The following GPR135 variants were observed in gnomAD, a reference collection of about 807,000 sequenced individuals.
GPR135 encodes G protein-coupled receptor 135.
Under a neutral mutation model 15.0 loss-of-function variants are expected in GPR135, and 17 were observed. The observed-to-expected ratio is 1.13, with a 90% CI of 0.78 to 1.70. The LOEUF (loss-of-function observed/expected upper bound fraction) is 1.70, where lower values mean the gene tolerates loss of function less well. GPR135 is among the 40% of genes most tolerant of loss of function. The pLI is 0.00. For synonymous variants in GPR135, 368 were observed against 349.4 expected (o/e 1.05, Z -0.59); for missense variants, 776 against 727.0 (o/e 1.07, Z -0.78).
chr14:59,464,644 C>T lies in GPR135; in HGVS notation c.583G>A (p.Gly195Ser), dbSNP rs779930164. The T allele has an allele frequency of 6.3e-7, 1 of 1,597,186 alleles. No individual in the cohort carries two copies. Among genetic ancestry groups the T allele is most frequent in the South Asian group, 1.1e-5 (1 of 90,542 alleles). The change falls in exon 1 of 1, where the codon GGC (glycine) becomes AGC (serine). Residue 195 changes from glycine (G) to serine (S), a missense_variant. Coordinates refer to ENST00000395116, the MANE Select transcript of GPR135 (RefSeq NM_022571.6). Reference sequence around the variant, plus strand: ...GCCACGCTGAGCGTGGACACGATGCCGAAGCACGAGCTGAAGAAGCGGCTG... The same window carrying T: ...GCCACGCTGAGCGTGGACACGATGCTGAAGCACGAGCTGAAGAAGCGGCTG... The part of the protein sequence containing the change: ...AASRFFSSCF[G>S]IVSTLSVALI...
chr14:59,463,671 C>G lies in GPR135; in HGVS notation c.*71G>C. Reference sequence around the variant, plus strand: ...TTGGCTTTATGAAATCCACAACTCTCCCCCAGAATCTTCCATCATTAAATA... The same window carrying G: ...TTGGCTTTATGAAATCCACAACTCTGCCCCAGAATCTTCCATCATTAAATA... On this transcript the variant is annotated 3_prime_UTR_variant, in exon 1 of 1. Coordinates refer to ENST00000395116, the MANE Select transcript of GPR135 (RefSeq NM_022571.6). 1 of 1,395,612 alleles carries G rather than the reference C, an allele frequency of 7.2e-7. No homozygotes were observed. Among genetic ancestry groups the G allele is most frequent in the Non-Finnish European group, 9.7e-7 (1 of 1,032,772 alleles). 86.5% of individuals were successfully genotyped at this position (1,395,612 alleles called of 1,614,324 possible).
intron 6 of GPR135, among the ~76,000 whole-genome samples, chr14:59,453,282 C>T (rs991450508): frequency 6.6e-6 from 1 of 152,064 alleles, no homozygotes; most frequent in Non-Finnish European, 1.5e-5. Context: ...ACAAATGTAC[C>T]TCTCTGGTGG....
downstream of GPR135, among the ~76,000 whole-genome samples, chr14:59,456,141 G>A (rs951172271): frequency 1.3e-5 from 2 of 152,078 alleles, no homozygotes; most frequent in African/African-American, 4.8e-5. Context: ...CAGGATGGAG[G>A]CCTGGAAAGC....
At position 59,463,704 on chromosome 14, in the gene GPR135, TG is replaced by T. The variant is rs1310817080; in HGVS notation, c.*37del. 4.0e-6 allele frequency: 6 copies of T among 1,512,658 alleles called. No individual in the cohort carries two copies. The East Asian group carries it at 9.1e-5, about 23-fold the overall frequency. The allele number at this position is 1,512,658 out of a possible 1,614,324, so 93.7% of individuals were successfully genotyped here. A position where few individuals can be genotyped will look rare whatever the true frequency, so the allele number is the denominator to read the frequency against. On this transcript the variant is annotated 3_prime_UTR_variant, in exon 1 of 1. Coordinates refer to ENST00000395116, the MANE Select transcript of GPR135 (RefSeq NM_022571.6). ...ATCTTCCATCATTAAATAATGCGAG[TG>T]GAAATTTGCCTTCATAAGCTGGCCA...
chr14:59,457,971 T>G (rs1169941959), downstream of GPR135, among the ~76,000 whole-genome samples: 2 of 152,190 alleles, frequency 1.3e-5, no homozygotes, highest in African/African-American at 4.8e-5. Flanking sequence ...AGAAAAACCC[T>G]CATGGAACAA....
At chr14:59,456,100 C>A (rs1372850422), downstream of GPR135, among the ~76,000 whole-genome samples, 1 of 152,080 alleles carries the variant, frequency 6.6e-6, no homozygotes, top group Non-Finnish European at 1.5e-5. Flanking sequence ...AGTCATCTTG[C>A]AAACATATGT....
chr14:59,464,779 G>T lies in GPR135; in HGVS notation c.448C>A (p.Leu150Met), dbSNP rs1889059421. 6.4e-7 allele frequency: 1 copy of T among 1,573,322 alleles called. No individual in the cohort carries two copies. Among genetic ancestry groups the T allele is most frequent in the Non-Finnish European group, 8.6e-7 (1 of 1,159,092 alleles). Reference protein sequence around the residue: ...AFILSLSLSDLLTALLCLPAA... With the variant: ...AFILSLSLSDMLTALLCLPAA... ...GGCAGGCAGAGCAGCGCCGTGAGCA[G>T]ATCCGATAGGGACAGCGACAGGATG... The change falls in exon 1 of 1, where the codon CTG becomes ATG. Residue 150 changes from leucine to methionine, a missense_variant. Coordinates refer to ENST00000395116, the MANE Select transcript of GPR135 (RefSeq NM_022571.6).
chr14:59,454,653 G>A (rs1381100269), intron 6 of GPR135, among the ~76,000 whole-genome samples: 1 of 152,154 alleles, frequency 6.6e-6, no homozygotes, highest in African/African-American at 2.4e-5. Flanking sequence ...AAAACAGAGA[G>A]GTCTTTGGTT....
rs569870515 is a variant in GPR135, at chr14:59,461,479, G to A, written c.*2263C>T. 1 of 152,136 alleles carries A rather than the reference G, an allele frequency of 6.6e-6. No homozygotes were observed. The highest frequency in any genetic ancestry group is 6.5e-5 in the Admixed American group (1 of 15,272). The allele number at this position is 152,136 out of a possible 1,614,324, so 9.4% of individuals were successfully genotyped here. On this transcript the variant is annotated 3_prime_UTR_variant, in exon 1 of 1. Coordinates refer to ENST00000395116, the MANE Select transcript of GPR135 (RefSeq NM_022571.6). ...ACCATGACTCTCGGAGCCACTAACA[G>A]AATGGCCTCTTTCACAAGCCATGCC... is the stretch of plus-strand genomic sequence containing the variant.
downstream of GPR135, chr14:59,460,323 T>G (rs779438769): frequency 3.3e-5 from 5 of 152,262 alleles, no homozygotes; most frequent in Non-Finnish European, 5.9e-5. Flanking sequence ...CTTATATGCT[T>G]TTTAGAAACA....
At position 59,465,231 on chromosome 14, in the gene GPR135, C is replaced by A. The variant is rs1425617163; in HGVS notation, c.-5G>T. ...GGGCGGCTGCGGCTCCTCCATGGGG[C>A]CCAGTGGCGGCCGCGGATCTCCTCA... On this transcript the variant is annotated 5_prime_UTR_variant, in exon 1 of 1. Transcript: ENST00000395116. 4 of 1,233,016 alleles carry A rather than the reference C, an allele frequency of 3.2e-6. No homozygotes were observed. The African/African-American group carries it at 6.3e-5, about 19-fold the overall frequency. 76.4% of individuals were successfully genotyped at this position (1,233,016 alleles called of 1,614,324 possible).
Position 59,464,020 on chromosome 14 carries a change from C to T in GPR135, c.1207G>A (p.Glu403Lys). The T allele has an allele frequency of 1.2e-6, 2 of 1,613,936 alleles. No individual in the cohort carries two copies. Among genetic ancestry groups the T allele is most frequent in the Non-Finnish European group, 1.7e-6 (2 of 1,180,028 alleles). Residue 403 changes from glutamate (E) to lysine (K), a missense_variant, in exon 1 of 1, where the codon GAG becomes AAG. Physicochemically the swap from Glu to Lys is moderately conservative, Grantham distance 56 (BLOSUM62 1). Transcript: ENST00000395116. Reference sequence around the variant, plus strand: ...ACATTCCTAGTCCGGTAGCCCTCCTCGCGGTTGCGCCCTAGGAGCATCGAA... The same window carrying T: ...ACATTCCTAGTCCGGTAGCCCTCCTTGCGGTTGCGCCCTAGGAGCATCGAA... ...NISMLLGRNR[E>K]EGYRTRNVDA...
chr14:59,458,364 C>T (rs1594891523), downstream of GPR135, among the ~76,000 whole-genome samples: 1 of 152,184 alleles, frequency 6.6e-6, no homozygotes, highest in East Asian at 1.9e-4. Flanking sequence ...TTTTAGCTGT[C>T]TCTTCTGGGT....
At position 59,464,160 on chromosome 14, in the gene GPR135, G is replaced by T. The variant is rs1176739721; in HGVS notation, c.1067C>A (p.Ala356Asp). ...PYCFLVLLAA[A>D]RQAQTMQAPS... ...GGCCTGCATGGTCTGGGCCTGCCGG[G>T]CGGCGGCCAGCAGCACCAGGAAGCA... Residue 356 changes from alanine to aspartate, a missense_variant, in exon 1 of 1, where the codon GCC (alanine) becomes GAC (aspartate). Coordinates refer to ENST00000395116, the MANE Select transcript of GPR135 (RefSeq NM_022571.6). The T allele has an allele frequency of 1.1e-5, 17 of 1,608,788 alleles. No homozygotes were observed. The highest frequency in any genetic ancestry group is 1.4e-5 in the Non-Finnish European group (17 of 1,179,750).
chr14:59,457,948 A>G (rs1177072245), downstream of GPR135, among the ~76,000 whole-genome samples: 1 of 152,284 alleles, frequency 6.6e-6, no homozygotes, highest in African/African-American at 2.4e-5. Flanking sequence ...AGAACCAGGG[A>G]AAAAGACAGC....
rs1429877378 is a variant in GPR135, at chr14:59,465,115, T to TGGCCGC, written c.106_111dup (p.Ala36_Ala37dup). 5 of 1,382,928 alleles carry TGGCCGC rather than the reference T, an allele frequency of 3.6e-6. No homozygotes were observed. The highest frequency in any genetic ancestry group is 1.5e-5 in the African/African-American group (1 of 66,776). 85.7% of individuals were successfully genotyped at this position (1,382,928 alleles called of 1,614,324 possible). On this transcript the variant is annotated inframe_insertion, in exon 1 of 1. Coordinates refer to ENST00000395116, the MANE Select transcript of GPR135 (RefSeq NM_022571.6). ...GTGCTGAAGGAGAGCACGGCCGCCG[T>TGGCCGC]GGCCGCGGAGGAAGTCCCGCCAGGT...
rs776234766 is a variant in GPR135 at position 59,465,334 on chromosome 14, G to A, written c.-108C>T. The A allele has an allele frequency of 3.1e-5, 27 of 868,458 alleles. No homozygotes were observed. Among genetic ancestry groups the A allele is most frequent in the Non-Finnish European group, 3.9e-5 (26 of 662,230 alleles). 53.8% of individuals were successfully genotyped at this position (868,458 alleles called of 1,614,324 possible). A position where few individuals can be genotyped will look rare whatever the true frequency, so the allele number is the denominator to read the frequency against. Reference sequence around the variant, plus strand: ...GGCTAGCGGCCGCCGCGGGGAGCTGGGCTCGGCCGGAGGGGTGGCGGTCGC... The same window carrying A: ...GGCTAGCGGCCGCCGCGGGGAGCTGAGCTCGGCCGGAGGGGTGGCGGTCGC... On this transcript the variant is annotated 5_prime_UTR_variant, in exon 1 of 1. Transcript: ENST00000395116.
At chr14:59,455,182 T>C (rs552504479) in intron 6 of GPR135, among the ~76,000 whole-genome samples, 13 of 152,174 alleles carry the variant, frequency 8.5e-5, no homozygotes, top group Non-Finnish European at 1.9e-4. Context: ...CTGCCCACCC[T>C]TGGTGACTGG....
chr14:59,456,837 T>C (rs762405018), downstream of GPR135, among the ~76,000 whole-genome samples: 1 of 152,152 alleles, frequency 6.6e-6, no homozygotes, highest in African/African-American at 2.4e-5. Context: ...ACTTTGAATA[T>C]ATCATAGGGA....
Sources: allele counts gnomAD v4.1 joint callset (sites outside exome capture counted in the v4.1 genomes callset), GRCh38; gene constraint gnomAD v4.1.1; transcripts MANE v1.5; gene names NCBI Gene and HGNC (gene_info 2026-07-23, HGNC 2026-07-21).